EYS: variants seen among roughly 807,000 people sequenced by gnomAD.
The protein encoded by EYS is EGF-like photoreceptor maintenance factor, also known as protein eyes shut homolog.
In EYS, 250 loss-of-function variants were observed where a neutral mutation model predicts 282.1. The observed-to-expected ratio is 0.89, with a 90% CI of 0.80 to 0.98. The LOEUF (loss-of-function observed/expected upper bound fraction) is 0.98, where lower values mean the gene tolerates loss of function less well. EYS is among the 50% of genes least tolerant of loss of function. The pLI, the probability that EYS is intolerant of heterozygous loss-of-function variation, is 0.00. For synonymous variants in EYS, 1,355 were observed against 1,282.9 expected (o/e 1.06, Z -1.20); for missense variants, 4,016 against 3,709.0 (o/e 1.08, Z -2.15).
chr6:64,813,606 G>T lies in EYS; in HGVS notation c.3244-29C>A, dbSNP rs1294286220. The T allele has an allele frequency of 3.5e-6, 5 of 1,411,586 alleles. No individual in the cohort carries two copies. The South Asian group carries it at 5.3e-5, about 15-fold the overall frequency. The allele number at this position is 1,411,586 out of a possible 1,614,324, so 87.4% of individuals were successfully genotyped here. On this transcript the variant is annotated intron_variant, in intron 21 of 42. Coordinates refer to ENST00000503581, the MANE Select transcript of EYS (RefSeq NM_001142800.2). ...GATTAAGAAATAGAGAATCAAATTT[G>T]ATTATTAGTATAAGGTTGACCATTT... is the stretch of plus-strand genomic sequence containing the variant.
At chr6:64,439,677 TAA>T (rs1280801938) in intron 26 of EYS, among the ~76,000 whole-genome samples, 18 of 151,870 alleles carry the variant, frequency 1.2e-4, no homozygotes, top group African/African-American at 3.9e-4. Flanking sequence ...CTTCTTTATA[TAA>T]GATATTGATA....
chr6:64,065,983 G>T (rs766944984), intron 33 of EYS, among the ~76,000 whole-genome samples: 1 of 152,122 alleles, frequency 6.6e-6, no homozygotes, highest in South Asian at 2.1e-4. Context: ...TAGAGTTCAG[G>T]CCGGGCATGG....
intron 26 of EYS, among the ~76,000 whole-genome samples, chr6:64,585,659 C>G (rs1288949356): frequency 6.6e-6 from 1 of 152,014 alleles, no homozygotes; most frequent in East Asian, 1.9e-4. Flanking sequence ...TTATATATAG[C>G]ATGTATATCT....
intron 12 of EYS, among the ~76,000 whole-genome samples, chr6:65,156,925 G>T (rs1250875302): frequency 6.6e-6 from 1 of 150,846 alleles, no homozygotes; most frequent in African/African-American, 2.4e-5. Context: ...TTAAACTCTA[G>T]TGACATTTTC....
At chr6:65,403,309 G>C (rs1490866987) in intron 6 of EYS, among the ~76,000 whole-genome samples, 1 of 152,012 alleles carries the variant, frequency 6.6e-6, no homozygotes, top group African/African-American at 2.4e-5. Context: ...CTGGGCAAAA[G>C]TTAATTTCAC....
At chr6:65,012,827 T>G (rs1279969396) in intron 13 of EYS, among the ~76,000 whole-genome samples, 5 of 117,652 alleles carry the variant, frequency 4.2e-5, no homozygotes, top group African/African-American at 1.0e-4. Context: ...AAAAAAAAAA[T>G]GAAAAAAAAC....
At chr6:64,148,359 GC>G (rs1313242931) in intron 31 of EYS, among the ~76,000 whole-genome samples, 20 of 152,072 alleles carry the variant, frequency 1.3e-4, no homozygotes, top group Non-Finnish European at 2.8e-4. Flanking sequence ...GTGAAAGTGT[GC>G]AAATAATTTT....
chr6:65,144,549 C>T (rs545076165), intron 12 of EYS, among the ~76,000 whole-genome samples: 11 of 152,014 alleles, frequency 7.2e-5, no homozygotes, highest in East Asian at 1.9e-4. Context: ...TCACAGCATT[C>T]GCAGGAAATA....
chr6:64,708,079 T>C (rs1267590255), intron 22 of EYS, among the ~76,000 whole-genome samples: 2 of 152,162 alleles, frequency 1.3e-5, no homozygotes, highest in Non-Finnish European at 2.9e-5. Flanking sequence ...TACCCTTTAA[T>C]AAACTATTTA....
chr6:64,635,368 G>A (rs531751228), intron 22 of EYS, among the ~76,000 whole-genome samples: 1 of 152,260 alleles, frequency 6.6e-6, no homozygotes, highest in South Asian at 2.1e-4. Context: ...TGTTGAATAG[G>A]AGTGGTGAGA....
intron 2 of EYS, among the ~76,000 whole-genome samples, chr6:65,580,684 G>A (rs11965488): frequency 0.011 from 1,637 of 152,038 alleles, 24 homozygotes; most frequent in African/African-American, 0.025. Flanking sequence ...ATGAGACAGA[G>A]TCCATTCAAA....
At chr6:64,992,211 G>T (rs895901497) in intron 14 of EYS, among the ~76,000 whole-genome samples, 2 of 151,756 alleles carry the variant, frequency 1.3e-5, no homozygotes, top group Non-Finnish European at 2.9e-5. Flanking sequence ...AAATAAAAAG[G>T]TATATAGTCT....
intron 12 of EYS, among the ~76,000 whole-genome samples, chr6:65,292,866 G>GT (rs1459479752): frequency 2.0e-5 from 3 of 151,664 alleles, no homozygotes; most frequent in Non-Finnish European, 4.4e-5. Flanking sequence ...ATAGAATAAA[G>GT]TTGTCTGGTT....
chr6:65,005,995 C>A (rs1188916677), intron 13 of EYS, among the ~76,000 whole-genome samples: 1 of 152,188 alleles, frequency 6.6e-6, no homozygotes, highest in Non-Finnish European at 1.5e-5. Flanking sequence ...TTCAGACTTT[C>A]ATTTCTTCTA....
intron 2 of EYS, among the ~76,000 whole-genome samples, chr6:65,539,025 T>A (rs1221128472): frequency 6.6e-6 from 1 of 152,232 alleles, no homozygotes; most frequent in Non-Finnish European, 1.5e-5. Flanking sequence ...CTTATTAGAA[T>A]AATTATGTCT....
chr6:65,213,131 T>C (rs1246608317), intron 12 of EYS, among the ~76,000 whole-genome samples: 1 of 152,112 alleles, frequency 6.6e-6, no homozygotes, highest in East Asian at 1.9e-4. Flanking sequence ...TATTTGCATG[T>C]GATGCTGATA....
At chr6:64,691,420 T>C (rs1217123359) in intron 22 of EYS, among the ~76,000 whole-genome samples, 1 of 152,234 alleles carries the variant, frequency 6.6e-6, no homozygotes, top group Non-Finnish European at 1.5e-5. Context: ...GAATAGAGTA[T>C]TTTTCAGAAT....
intron 2 of EYS, among the ~76,000 whole-genome samples, chr6:65,567,736 C>T (rs1349632576): frequency 2.0e-5 from 3 of 151,952 alleles, no homozygotes; most frequent in Non-Finnish European, 2.9e-5. Flanking sequence ...TAAACCCTAG[C>T]GGATTTATAG....
intron 13 of EYS, among the ~76,000 whole-genome samples, chr6:65,001,431 C>T (rs1274666565): frequency 1.4e-5 from 2 of 147,508 alleles, no homozygotes; most frequent in Non-Finnish European, 3.0e-5. Context: ...GATGTTCCTC[C>T]TCTTCTCTCT....
Sources: allele counts gnomAD v4.1 joint callset (sites outside exome capture counted in the v4.1 genomes callset), GRCh38; gene constraint gnomAD v4.1.1; transcripts MANE v1.5; gene names NCBI Gene and HGNC (gene_info 2026-07-23, HGNC 2026-07-21).